The following ZDHHC11B variants were observed in gnomAD, a reference collection of about 807,000 sequenced individuals.
The protein encoded by ZDHHC11B is probable palmitoyltransferase ZDHHC11B.
ZDHHC11B carries 17 observed loss-of-function variants against 42.3 expected under a neutral mutation model. The ratio of observed to expected loss-of-function variants is 0.40; its 90% CI spans 0.27 to 0.60. The LOEUF (loss-of-function observed/expected upper bound fraction) is 0.60, where lower values mean the gene tolerates loss of function less well. ZDHHC11B is among the 20% of genes least tolerant of loss of function. The probability of loss-of-function intolerance (pLI) is 0.41; values close to 1 mark genes in which losing one functional copy is unlikely to be tolerated. For synonymous variants in ZDHHC11B, 123 were observed against 193.5 expected, an observed-to-expected ratio of 0.64 and a Z score of 3.02; for missense variants, 262 against 463.2, an observed-to-expected ratio of 0.57 and a Z score of 3.99.
At chr5:752,277 C>T (rs1237327602) in intron 6 of ZDHHC11B, among the ~76,000 whole-genome samples, 1 of 83,304 alleles carries the variant, frequency 1.2e-5, no homozygotes, top group African/African-American at 3.6e-5. Context: ...GGCCACACCT[C>T]GGCTGCAGTC....
At chr5:719,045 G>A (rs972600302) in intron 12 of ZDHHC11B, among the ~76,000 whole-genome samples, 2 of 151,790 alleles carry the variant, frequency 1.3e-5, no homozygotes, top group African/African-American at 2.4e-5. Flanking sequence ...GATATTTGAG[G>A]AAATCTTTGA....
chr5:761,701 A>G (rs1734635952), intron 4 of ZDHHC11B, among the ~76,000 whole-genome samples: 1 of 151,774 alleles, frequency 6.6e-6, no homozygotes, highest in African/African-American at 2.4e-5. Context: ...ACCCCATGGA[A>G]CCCCCACTCT....
In ZDHHC11B at chr5:776,600, A is replaced by T. The variant is rs376984047; in HGVS notation, c.-229-7670T>A. 3.9e-5 allele frequency among the ~76,000 whole-genome samples: 6 copies of T among 151,900 alleles called. 1 individual carries two copies. The East Asian group carries it at 1.2e-3, about 29-fold the overall frequency. ...TCTCAGCTCGAGACCCTCGCTGGTG[A>T]ATGGGACAGCAACATCAAAGACCAC... is the stretch of plus-strand genomic sequence containing the variant. On this transcript the variant is annotated intron_variant, in intron 1 of 13. Transcript: ENST00000508859.
chr5:783,835 A>G (rs1429385107), intron 1 of ZDHHC11B, among the ~76,000 whole-genome samples: 1 of 112,706 alleles, frequency 8.9e-6, no homozygotes, highest in East Asian at 3.0e-4. Flanking sequence ...CAGCCTCCCA[A>G]ACCCCATCAA....
Position 730,447 on chromosome 5 carries a change from T to C in ZDHHC11B, c.1045A>G (p.Thr349Ala), listed in dbSNP as rs750295800. 61 of 1,575,156 alleles carry C rather than the reference T, an allele frequency of 3.9e-5. 2 individuals are homozygous for C. The highest frequency in any genetic ancestry group is 5.0e-5 in the Non-Finnish European group (58 of 1,167,372). Reference sequence around the variant, plus strand: ...TTACGAACTTACCCAAGTGTAGATGTACTCGGGGCATCATCTGCTTCCTGT... The same window carrying C: ...TTACGAACTTACCCAAGTGTAGATGCACTCGGGGCATCATCTGCTTCCTGT... ...KAQEADDAPS[T>A]STLGLQQETT... Residue 349 changes from threonine to alanine, a missense_variant, in exon 12 of 14, where the codon ACA becomes GCA. Around this residue, in one of 5 missense-constraint regions of ZDHHC11B, gnomAD observed 75 missense variants for 70.1 expected, o/e 1.07. Transcript: ENST00000508859.
At chr5:736,667 C>A (rs1265700593) in intron 10 of ZDHHC11B, among the ~76,000 whole-genome samples, 1 of 136,860 alleles carries the variant, frequency 7.3e-6, no homozygotes, top group Non-Finnish European at 1.6e-5. Flanking sequence ...CCAAAAGGAA[C>A]CCATGAAATT....
rs1736571937 is a variant in ZDHHC11B at position 777,126 on chromosome 5, G to A, written c.-230+7542C>T. Among the ~76,000 whole-genome samples, 3 of 152,060 alleles carry A rather than the reference G, an allele frequency of 2.0e-5. No homozygotes were observed. The South Asian group carries it at 6.2e-4, about 32-fold the overall frequency. On this transcript the variant is annotated intron_variant, in intron 1 of 13. Coordinates refer to ENST00000508859, the MANE Select transcript of ZDHHC11B (RefSeq NM_001351303.2). The stretch of plus-strand genomic sequence containing the variant: ...CACAGTTCTTAAAGATGGCGACCCT[G>A]GAGTTTCTTCCTTCAGATGTTCAGA...
At chr5:730,526 ACTTATT>A (rs1742944081) in intron 11 of ZDHHC11B, 58 bp from the exon 12 acceptor site, 1 of 1,508,574 alleles carries the variant, frequency 6.6e-7, no homozygotes, top group Non-Finnish European at 8.9e-7. Flanking sequence ...TTGACATTAA[ACTTATT>A]CTTAAACAAA....
chr5:732,364 G>A (rs969964352), intron 11 of ZDHHC11B: 5 of 248,148 alleles, frequency 2.0e-5, no homozygotes, highest in Non-Finnish European at 4.1e-5. Flanking sequence ...CAGAGACACC[G>A]AGGGGACTCA....
In ZDHHC11B at chr5:716,607, C is replaced by A. The variant is rs1350476596; in HGVS notation, c.*7+194G>T. Among the ~76,000 whole-genome samples, 12 of 151,834 alleles carry A rather than the reference C, an allele frequency of 7.9e-5. 1 individual carries two copies. Among genetic ancestry groups the A allele is most frequent in the Non-Finnish European group, 1.5e-4 (10 of 67,994 alleles). On this transcript the variant is annotated intron_variant, in intron 13 of 13. Transcript: ENST00000508859. ...TAAAGATGAATTGATACTCTCACAG[C>A]TCGGCTGCCATGCACTACTTCTAAA...
In ZDHHC11B at chr5:757,295, G is replaced by GT. The variant is rs573637664; in HGVS notation, c.223-1152dup. On this transcript the variant is annotated intron_variant, in intron 4 of 13. Transcript: ENST00000508859. ...CTGCCGGCCTGTGTCGCACAGCGCT[G>GT]TCCTCCTTGGCCCCAGGGGTGAGGA... Among the ~76,000 whole-genome samples the GT allele has an allele frequency of 1.9e-3, 284 of 151,582 alleles. 1 individual carries two copies. Among genetic ancestry groups the GT allele is most frequent in the African/African-American group, 6.1e-3 (252 of 41,060 alleles).
At chr5:777,484 G>A (rs530735863) in intron 1 of ZDHHC11B, among the ~76,000 whole-genome samples, 149 of 151,810 alleles carry the variant, frequency 9.8e-4, no homozygotes, top group African/African-American at 1.4e-3. Context: ...CAGACTGAGC[G>A]GCAAGATTTA....
chr5:778,415 C>T (rs1398332629), intron 1 of ZDHHC11B, among the ~76,000 whole-genome samples: 1 of 150,462 alleles, frequency 6.6e-6, no homozygotes, highest in Non-Finnish European at 1.5e-5. Context: ...TCAAGGGAGG[C>T]ACAATGGGTT....
At chr5:742,953 G>T (rs530806342) in intron 9 of ZDHHC11B, among the ~76,000 whole-genome samples, 3 of 149,780 alleles carry the variant, frequency 2.0e-5, no homozygotes, top group East Asian at 2.1e-4. Flanking sequence ...TTCTAGAAGT[G>T]TTCTATGTTC....
intron 1 of ZDHHC11B, among the ~76,000 whole-genome samples, chr5:772,949 A>C (rs1736176385): frequency 6.6e-6 from 1 of 151,948 alleles, no homozygotes; most frequent in Non-Finnish European, 1.5e-5. Flanking sequence ...TTTAAACTAA[A>C]AATGACAGAA....
Position 777,987 on chromosome 5 carries a change from C to T in ZDHHC11B, c.-230+6681G>A, listed in dbSNP as rs534145337. Among the ~76,000 whole-genome samples, 7 of 151,984 alleles carry T rather than the reference C, an allele frequency of 4.6e-5. No individual in the cohort carries two copies. The South Asian group carries it at 1.5e-3, about 32-fold the overall frequency. ...GCCCAGCAGGGAGGCGGCTGAGGCCCCGCGAGAATTTGAGCATGGCGCAGG... is the reference window on the plus strand; with the variant it reads ...GCCCAGCAGGGAGGCGGCTGAGGCCTCGCGAGAATTTGAGCATGGCGCAGG... On this transcript the variant is annotated intron_variant, in intron 1 of 13. Transcript: ENST00000508859.
At chr5:783,507 G>T (rs2150252246) in intron 1 of ZDHHC11B, among the ~76,000 whole-genome samples, 1 of 152,352 alleles carries the variant, frequency 6.6e-6, no homozygotes, top group African/African-American at 2.4e-5. Context: ...GGTGGGCGGA[G>T]GGGCCCAGTC....
chr5:759,564 C>T (rs1734312784), intron 4 of ZDHHC11B, among the ~76,000 whole-genome samples: 2 of 152,100 alleles, frequency 1.3e-5, no homozygotes, highest in East Asian at 1.9e-4. Flanking sequence ...CCATTCCACA[C>T]AACAGGCCCT....
At chr5:777,808 G>C (rs1239879821) in intron 1 of ZDHHC11B, among the ~76,000 whole-genome samples, 1 of 152,014 alleles carries the variant, frequency 6.6e-6, no homozygotes, top group African/African-American at 2.4e-5. Flanking sequence ...CTGCCCGCCA[G>C]TACTGCGCCA....
Sources: allele counts gnomAD v4.1 joint callset (sites outside exome capture counted in the v4.1 genomes callset), GRCh38; gene constraint gnomAD v4.1.1; regional missense constraint gnomAD v4.1.1; transcripts MANE v1.5; gene names NCBI Gene and HGNC (gene_info 2026-07-23, HGNC 2026-07-21).